The following RIMS4 variants were observed in gnomAD, a reference collection of about 807,000 sequenced individuals.
RIMS4 encodes the protein regulating synaptic membrane exocytosis 4, also known as regulating synaptic membrane exocytosis protein 4.
RIMS4 carries 9 observed loss-of-function variants against 29.0 expected under a neutral mutation model. That is an observed-to-expected ratio of 0.31 (90% CI 0.19 to 0.54). The LOEUF is 0.54. Among genes scored for constraint, RIMS4 ranks in the 20% least tolerant of loss-of-function variants. RIMS4 has a pLI of 0.94. For synonymous variants in RIMS4, 130 were observed against 152.9 expected, an observed-to-expected ratio of 0.85 and a Z score of 1.10; for missense variants, 193 against 365.7, an observed-to-expected ratio of 0.53 and a Z score of 3.85.
intron 1 of RIMS4, 32 bp from the exon 2 acceptor site, chr20:44,771,445 A>G (rs781395909): frequency 1.3e-6 from 2 of 1,592,456 alleles, no homozygotes; most frequent in Non-Finnish European, 1.7e-6. Context: ...AGAGATGGGA[A>G]GAGAGACACA....
intron 1 of RIMS4, among the ~76,000 whole-genome samples, chr20:44,778,320 G>A (rs547843245): frequency 1.3e-5 from 2 of 152,326 alleles, no homozygotes; most frequent in South Asian, 4.1e-4. Flanking sequence ...CCAGATCAAT[G>A]CCTTTATTGT....
At position 44,757,042 on chromosome 20, in the gene RIMS4, G is replaced by T. The variant is rs1377645384; in HGVS notation, c.452-5C>A. ...GGTAGGCCTTGATGTAGGCCGCTGG[G>T]GATAGAGGCCAGCAGGGGTGAGTTC... On this transcript the variant is annotated splice_region_variant and splice_polypyrimidine_tract_variant and intron_variant, in intron 4 of 5. Coordinates refer to ENST00000372851, the MANE Select transcript of RIMS4 (RefSeq NM_182970.4). 1 of 1,613,194 alleles carries T rather than the reference G, an allele frequency of 6.2e-7. No individual in the cohort carries two copies. The highest frequency in any genetic ancestry group is 2.2e-5 in the East Asian group (1 of 44,852).
chr20:44,758,712 G>A (rs181349294), intron 2 of RIMS4, among the ~76,000 whole-genome samples: 148 of 152,238 alleles, frequency 9.7e-4, no homozygotes, highest in African/African-American at 3.2e-3. Flanking sequence ...CCTTCCCCTC[G>A]GCCAGTGATC....
At chr20:44,783,345 G>A (rs1182403549) in intron 1 of RIMS4, among the ~76,000 whole-genome samples, 3 of 152,212 alleles carry the variant, frequency 2.0e-5, no homozygotes, top group Non-Finnish European at 4.4e-5. Flanking sequence ...GTACTGGGCC[G>A]GGCATGGTGG....
At chr20:44,797,280 T>A (rs1186860188) in intron 1 of RIMS4, among the ~76,000 whole-genome samples, 2 of 152,230 alleles carry the variant, frequency 1.3e-5, no homozygotes, top group Non-Finnish European at 2.9e-5. Context: ...ACATATTGTC[T>A]GGGGCTGCTT....
chr20:44,788,985 G>A (rs1490477868), intron 1 of RIMS4, among the ~76,000 whole-genome samples: 1 of 151,956 alleles, frequency 6.6e-6, no homozygotes, highest in East Asian at 1.9e-4. Context: ...TTACTATGAA[G>A]TGAATGCCTT....
chr20:44,803,911 G>T (rs2066287345), intron 1 of RIMS4, among the ~76,000 whole-genome samples: 1 of 152,222 alleles, frequency 6.6e-6, no homozygotes, highest in Non-Finnish European at 1.5e-5. Context: ...TGGGTGGATT[G>T]TAGCAGGGTG....
chr20:44,802,512 A>C (rs1403815910), intron 1 of RIMS4, among the ~76,000 whole-genome samples: 2 of 152,114 alleles, frequency 1.3e-5, no homozygotes, highest in Non-Finnish European at 2.9e-5. Flanking sequence ...TCACACCTAC[A>C]TCATCAGTCT....
chr20:44,754,618 G>C lies in RIMS4; in HGVS notation c.*1516C>G, dbSNP rs977185723. On this transcript the variant is annotated 3_prime_UTR_variant, in exon 6 of 6. Transcript: ENST00000372851. ...ACCCTACGGGGACAAGGGAAGGAAG[G>C]GGGCGGAGGAGGAGGGGCTGGCCTC... is the stretch of plus-strand genomic sequence containing the variant. 1 of 152,856 alleles carries C rather than the reference G, an allele frequency of 6.5e-6. No homozygotes were observed. The highest frequency in any genetic ancestry group is 1.5e-5 in the Non-Finnish European group (1 of 68,252). The allele number at this position is 152,856 out of a possible 1,614,324, so 9.5% of individuals were successfully genotyped here.
rs1463472357 is a variant in RIMS4, at chr20:44,753,448, G to A, written c.*2686C>T. On this transcript the variant is annotated 3_prime_UTR_variant, in exon 6 of 6. Coordinates refer to ENST00000372851, the MANE Select transcript of RIMS4 (RefSeq NM_182970.4). ...GCCCTTCAAGGGGGTTCTGGAGAAG[G>A]AGAGTGGAGATGGCTCCTTCCCATG... 1 of 152,228 alleles carries A rather than the reference G, an allele frequency of 6.6e-6. No homozygotes were observed. The highest frequency in any genetic ancestry group is 2.4e-5 in the African/African-American group (1 of 41,432). 9.4% of individuals were successfully genotyped at this position (152,228 alleles called of 1,614,324 possible).
intron 1 of RIMS4, among the ~76,000 whole-genome samples, chr20:44,795,874 A>G (rs2066252744): frequency 6.6e-6 from 1 of 152,200 alleles, no homozygotes; most frequent in Non-Finnish European, 1.5e-5. Context: ...AATTTTTACC[A>G]TGATATGCCC....
Position 44,753,677 on chromosome 20 carries a change from A to T in RIMS4, c.*2457T>A, listed in dbSNP as rs2066045108. 6.6e-6 allele frequency: 1 copy of T among 152,032 alleles called. No individual in the cohort carries two copies. The highest frequency in any genetic ancestry group is 6.6e-5 in the Admixed American group (1 of 15,230). The allele number at this position is 152,032 out of a possible 1,614,324, so 9.4% of individuals were successfully genotyped here. A position where few individuals can be genotyped will look rare whatever the true frequency, so the allele number is the denominator to read the frequency against. On this transcript the variant is annotated 3_prime_UTR_variant, in exon 6 of 6. Transcript: ENST00000372851. The stretch of plus-strand genomic sequence containing the variant: ...ATGAAAATGTCACTCTCCTCCCCAA[A>T]CCCCCATCCCTTGGTGAGGACAGAC...
intron 1 of RIMS4, among the ~76,000 whole-genome samples, chr20:44,784,696 TC>T (rs2066200332): frequency 6.6e-6 from 1 of 152,254 alleles, no homozygotes; most frequent in South Asian, 2.1e-4. Context: ...AGCAGCGCTA[TC>T]CTTTATCTTG....
chr20:44,766,289 C>G (rs1037989451), intron 2 of RIMS4, among the ~76,000 whole-genome samples: 7 of 152,188 alleles, frequency 4.6e-5, no homozygotes, highest in Non-Finnish European at 1.0e-4. Flanking sequence ...ACATGAGATA[C>G]AGCCTTTGTG....
At chr20:44,781,631 A>C (rs1223407562) in intron 1 of RIMS4, among the ~76,000 whole-genome samples, 1 of 152,164 alleles carries the variant, frequency 6.6e-6, no homozygotes, top group Non-Finnish European at 1.5e-5. Context: ...TCCTATGCTG[A>C]GCAGGGGTGG....
intron 1 of RIMS4, among the ~76,000 whole-genome samples, chr20:44,787,100 G>A (rs2066211812): frequency 6.6e-6 from 1 of 152,192 alleles, no homozygotes; most frequent in Non-Finnish European, 1.5e-5. Context: ...ATCAGAGAAA[G>A]CATTCCCAAC....
chr20:44,789,455 C>A (rs1230736126), intron 1 of RIMS4, among the ~76,000 whole-genome samples: 1 of 152,046 alleles, frequency 6.6e-6, no homozygotes, highest in Admixed American at 6.6e-5. Context: ...CGCCACCACA[C>A]CCGGCTAATT....
intron 1 of RIMS4, among the ~76,000 whole-genome samples, chr20:44,784,573 GTC>G (rs1334791001): frequency 2.0e-5 from 3 of 152,198 alleles, no homozygotes; most frequent in African/African-American, 4.8e-5. Context: ...CTTAAAATCC[GTC>G]TCTCTCCAGA....
intron 1 of RIMS4, among the ~76,000 whole-genome samples, chr20:44,781,310 G>A (rs540370922): frequency 2.4e-4 from 37 of 152,280 alleles, no homozygotes; most frequent in South Asian, 2.1e-4. Context: ...TAATTACAAC[G>A]TAGCATAATG....
Sources: gnomAD v4.1 joint callset for allele counts (sites outside exome capture counted in the v4.1 genomes callset) on GRCh38, gnomAD v4.1.1 for gene constraint, MANE v1.5 for transcripts, NCBI Gene and HGNC (gene_info 2026-07-23, HGNC 2026-07-21) for gene names.